RNF216: variants seen among roughly 807,000 people sequenced by gnomAD.
RNF216 encodes the protein E3 ubiquitin-protein ligase RNF216.
A neutral mutation model predicts 110.8 loss-of-function variants in RNF216; 72 were observed. The ratio of observed to expected loss-of-function variants is 0.65; its 90% CI spans 0.54 to 0.79. The LOEUF (loss-of-function observed/expected upper bound fraction) is 0.79, where lower values mean the gene tolerates loss of function less well. RNF216 is among the 30% of genes least tolerant of loss of function. RNF216 has a pLI of 0.00. For synonymous variants in RNF216, 495 were observed against 407.5 expected (o/e 1.21, Z -2.59); for missense variants, 1,342 against 1,141.2 (o/e 1.18, Z -2.54).
chr7:5,681,321 C>T (rs1386839792), intron 13 of RNF216, among the ~76,000 whole-genome samples: 1 of 152,158 alleles, frequency 6.6e-6, no homozygotes, highest in Non-Finnish European at 1.5e-5. Context: ...CCATCATTTA[C>T]CTGTTTTAGG....
intron 13 of RNF216, among the ~76,000 whole-genome samples, chr7:5,668,409 G>C (rs1485284307): frequency 6.6e-6 from 1 of 152,054 alleles, no homozygotes; most frequent in African/African-American, 2.4e-5. Context: ...ATTTTTAGTA[G>C]AGACGGGGTT....
intron 13 of RNF216, among the ~76,000 whole-genome samples, chr7:5,689,362 TAAA>T (rs72421808): frequency 5.5e-5 from 7 of 127,462 alleles, no homozygotes; most frequent in Non-Finnish European, 8.4e-5. Context: ...TTTGTAGTAT[TAAA>T]AAAAAAAAAA....
chr7:5,725,781 C>T (rs1479102704), intron 7 of RNF216, among the ~76,000 whole-genome samples: 7 of 140,706 alleles, frequency 5.0e-5, no homozygotes, highest in African/African-American at 1.6e-4. Flanking sequence ...ACCCAGGAGG[C>T]GGAGGTCGCA....
intron 9 of RNF216, among the ~76,000 whole-genome samples, chr7:5,717,395 C>T (rs1729269632): frequency 6.6e-6 from 1 of 152,154 alleles, no homozygotes; most frequent in South Asian, 2.1e-4. Context: ...TAACAACAGA[C>T]TTCGCTGGCG....
At chr7:5,732,958 A>G (rs538686992) in intron 5 of RNF216, 4 of 152,350 alleles carry the variant, frequency 2.6e-5, no homozygotes, top group Middle Eastern at 6.8e-3. Flanking sequence ...TTAACCAGCC[A>G]AAGTAGATTA....
chr7:5,663,588 A>G (rs1366564831), intron 13 of RNF216, among the ~76,000 whole-genome samples: 18 of 71,318 alleles, frequency 2.5e-4, no homozygotes, highest in East Asian at 4.8e-3. Context: ...CACCTCAGGA[A>G]AAAAAAAAAA....
At chr7:5,720,580 T>C (rs1204926899) in intron 9 of RNF216, among the ~76,000 whole-genome samples, 1 of 152,012 alleles carries the variant, frequency 6.6e-6, no homozygotes, top group Admixed American at 6.6e-5. Context: ...TGTTCAAGGG[T>C]CACTGTAATG....
chr7:5,748,582 A>G (rs975557047), intron 3 of RNF216, among the ~76,000 whole-genome samples: 5 of 150,712 alleles, frequency 3.3e-5, no homozygotes, highest in South Asian at 4.2e-4. Context: ...TTACTTTATT[A>G]TAAGAATGCA....
intron 6 of RNF216, 121 bp downstream of exon 6, chr7:5,730,594 C>A (rs1794028397): frequency 1.4e-5 from 20 of 1,387,720 alleles, no homozygotes; most frequent in Non-Finnish European, 1.9e-5. Context: ...TGTCCCTCGG[C>A]TAGTCTTTAA....
At chr7:5,772,507 A>G (rs999043267) in intron 1 of RNF216, among the ~76,000 whole-genome samples, 1 of 152,118 alleles carries the variant, frequency 6.6e-6, no homozygotes, top group Non-Finnish European at 1.5e-5. Flanking sequence ...CCCAGGTTTA[A>G]GCGATTCAAT....
intron 1 of RNF216, among the ~76,000 whole-genome samples, chr7:5,781,209 G>C (rs1212208622): frequency 9.9e-5 from 15 of 152,142 alleles, no homozygotes; most frequent in Non-Finnish European, 2.2e-4. Context: ...TCGGGCCCGG[G>C]GGAGGGAAGC....
intron 7 of RNF216, among the ~76,000 whole-genome samples, chr7:5,725,933 G>A (rs13233396): frequency 0.25 from 37,828 of 151,858 alleles, 6,270 homozygotes; most frequent in East Asian, 0.69. Context: ...AAACTGGTAC[G>A]GTGGTGGAAG....
intron 15 of RNF216, among the ~76,000 whole-genome samples, chr7:5,631,578 G>A (rs1787074170): frequency 1.3e-5 from 2 of 152,034 alleles, no homozygotes; most frequent in South Asian, 2.1e-4. Flanking sequence ...ACACTACCAA[G>A]TTACTTGAAT....
intron 13 of RNF216, among the ~76,000 whole-genome samples, chr7:5,660,943 G>GTTTTGTTTTTTTTTTTT (rs1554352520): frequency 6.7e-5 from 6 of 90,150 alleles, no homozygotes; most frequent in African/African-American, 3.3e-4. Flanking sequence ...GAAGCCTTAG[G>GTTTTGTTTTTTTTTTTT]TTTTTTTTTT....
intron 15 of RNF216, among the ~76,000 whole-genome samples, chr7:5,629,397 T>G (rs371481169): frequency 6.6e-6 from 1 of 151,388 alleles, no homozygotes; most frequent in African/African-American, 2.4e-5. Flanking sequence ...CCCAAGGAGG[T>G]TGAGGCTGCA....
At chr7:5,751,437 A>G in intron 3 of RNF216, among the ~76,000 whole-genome samples, 1 of 152,174 alleles carries the variant, frequency 6.6e-6, no homozygotes, top group Non-Finnish European at 1.5e-5. Flanking sequence ...CATCCATGTA[A>G]GTTTCATACT....
rs547308009 is a variant in RNF216 at position 5,719,217 on chromosome 7, C to A, written c.1644+1816G>T. ...ACAGCATGGGGAAACCCAGGCTCTA[C>A]AAAAAAAGTTAGCCAGGTGTGGTGG... On this transcript the variant is annotated intron_variant, in intron 9 of 16. Coordinates refer to ENST00000389902, the MANE Select transcript of RNF216 (RefSeq NM_207111.4). 2.0e-5 allele frequency among the ~76,000 whole-genome samples: 3 copies of A among 151,998 alleles called. No homozygotes were observed. In the South Asian group the frequency reaches 6.2e-4, roughly 32 times the overall value.
chr7:5,720,257 C>T (rs532878776), intron 9 of RNF216, among the ~76,000 whole-genome samples: 2 of 152,300 alleles, frequency 1.3e-5, no homozygotes, highest in African/African-American at 4.8e-5. Context: ...GACAGCAAAA[C>T]CAACACACCC....
intron 13 of RNF216, among the ~76,000 whole-genome samples, chr7:5,682,287 T>A (rs1030903996): frequency 2.2e-4 from 33 of 152,214 alleles, no homozygotes; most frequent in African/African-American, 7.0e-4. Flanking sequence ...CAGAGGCTAC[T>A]TGACCAGGTT....
Sources: gnomAD v4.1 joint callset for allele counts (sites outside exome capture counted in the v4.1 genomes callset) on GRCh38, gnomAD v4.1.1 for gene constraint, MANE v1.5 for transcripts, NCBI Gene and HGNC (gene_info 2026-07-23, HGNC 2026-07-21) for gene names.